ITPR2: variants seen among roughly 807,000 people sequenced by gnomAD.
The protein encoded by ITPR2 is inositol 1,4,5-trisphosphate receptor type 2, also known as inositol 1,4,5-trisphosphate-gated calcium channel ITPR2.
Under a neutral mutation model 317.1 loss-of-function variants are expected in ITPR2, and 207 were observed. That is an observed-to-expected ratio of 0.65 (90% CI 0.58 to 0.73). The LOEUF (loss-of-function observed/expected upper bound fraction) is 0.73. Ranked by LOEUF, ITPR2 falls within the 30% of genes least tolerant of loss-of-function variation. The pLI, the probability that ITPR2 is intolerant of heterozygous loss-of-function variation, is 0.00. For synonymous variants in ITPR2, 1,156 were observed against 1,149.1 expected (o/e 1.01, Z -0.12); for missense variants, 2,613 against 3,284.0 (o/e 0.80, Z 4.99).
intron 21 of ITPR2, among the ~76,000 whole-genome samples, chr12:26,641,237 T>TA (rs201661089): frequency 1.7e-3 from 252 of 144,248 alleles, no homozygotes; most frequent in South Asian, 9.6e-3. Flanking sequence ...ATTCTTTGTT[T>TA]AAAAAAAAAA....
At chr12:26,638,443 C>G (rs576648028) in intron 21 of ITPR2, among the ~76,000 whole-genome samples, 1 of 152,212 alleles carries the variant, frequency 6.6e-6, no homozygotes, top group Non-Finnish European at 1.5e-5. Context: ...AGAAAGCTCT[C>G]TTGTGCCCTT....
At chr12:26,377,902 C>T (rs1481087755) in intron 55 of ITPR2, among the ~76,000 whole-genome samples, 1 of 152,078 alleles carries the variant, frequency 6.6e-6, no homozygotes, top group African/African-American at 2.4e-5. Context: ...ATATTCCCCT[C>T]CATCCTTCTA....
intron 2 of ITPR2, among the ~76,000 whole-genome samples, chr12:26,745,695 A>G (rs987155092): frequency 6.6e-6 from 1 of 152,236 alleles, no homozygotes; most frequent in African/African-American, 2.4e-5. Context: ...AGAGACAGAA[A>G]GGTAGTTATA....
intron 11 of ITPR2, among the ~76,000 whole-genome samples, chr12:26,684,483 A>G (rs1948090921): frequency 6.6e-6 from 1 of 152,228 alleles, no homozygotes; most frequent in African/African-American, 2.4e-5. Context: ...TACTGCCAGT[A>G]TGCAATAAGA....
In ITPR2 at chr12:26,715,329, A is replaced by G; in HGVS notation, c.825T>C (p.Ala275=). 6.2e-7 allele frequency: 1 copy of G among 1,613,700 alleles called. No individual in the cohort carries two copies. Among genetic ancestry groups the G allele is most frequent in the Non-Finnish European group, 8.5e-7 (1 of 1,179,682 alleles). The change falls in exon 8 of 57, where the codon GCT becomes GCC. Residue 275 remains alanine (A), a synonymous_variant. Coordinates refer to ENST00000381340, the MANE Select transcript of ITPR2 (RefSeq NM_002223.4). The stretch of plus-strand genomic sequence containing the variant: ...TTTCCCAGAGTGCTTTAGAACTAGT[A>G]GCAGAAGTAGCTGATTGGCGCAAGG... ...RTTLRQSATS[A]TSSKALWEIE...
At chr12:26,509,375 G>C (rs181432877) in intron 37 of ITPR2, among the ~76,000 whole-genome samples, 32 of 152,186 alleles carry the variant, frequency 2.1e-4, no homozygotes, top group Non-Finnish European at 4.1e-4. Context: ...ACTTTTGTAG[G>C]GTGAATTTTA....
chr12:26,571,750 T>A (rs2137055834), intron 34 of ITPR2, among the ~76,000 whole-genome samples: 1 of 152,352 alleles, frequency 6.6e-6, no homozygotes, highest in African/African-American at 2.4e-5. Flanking sequence ...AGCTAAGAAT[T>A]ATGTCCACAT....
intron 34 of ITPR2, among the ~76,000 whole-genome samples, chr12:26,577,620 G>A (rs1478145172): frequency 6.6e-6 from 1 of 152,080 alleles, no homozygotes; most frequent in Non-Finnish European, 1.5e-5. Flanking sequence ...AATTACTTAA[G>A]TCAACTGTAT....
chr12:26,715,706 C>T (rs372966010), intron 7 of ITPR2, 46 bp downstream of exon 7: 28 of 1,237,566 alleles, frequency 2.3e-5, no homozygotes, highest in Non-Finnish European at 3.1e-5. Flanking sequence ...TTCAGTAAGA[C>T]TACCATCATT....
At chr12:26,661,802 A>G (rs1248933236) in intron 15 of ITPR2, among the ~76,000 whole-genome samples, 2 of 152,202 alleles carry the variant, frequency 1.3e-5, no homozygotes, top group East Asian at 3.9e-4. Context: ...CCAGACCTCC[A>G]CTAAAAACTC....
chr12:26,820,964 A>G (rs750431784), intron 1 of ITPR2, among the ~76,000 whole-genome samples: 25 of 152,296 alleles, frequency 1.6e-4, no homozygotes, highest in Admixed American at 7.2e-4. Context: ...AGAGGTTACC[A>G]GGGGCTGGGG....
intron 51 of ITPR2, among the ~76,000 whole-genome samples, chr12:26,412,076 GAAGTA>G (rs1940568071): frequency 6.6e-6 from 1 of 152,132 alleles, no homozygotes; most frequent in African/African-American, 2.4e-5. Flanking sequence ...TAACACATAT[GAAGTA>G]AAGAGGTTCC....
At chr12:26,435,031 A>C (rs528908000) in intron 48 of ITPR2, among the ~76,000 whole-genome samples, 1 of 151,932 alleles carries the variant, frequency 6.6e-6, no homozygotes, top group Non-Finnish European at 1.5e-5. Context: ...TAACTCATAC[A>C]TCCACTCCAT....
At chr12:26,702,597 C>T (rs1185077850) in intron 9 of ITPR2, among the ~76,000 whole-genome samples, 1 of 151,916 alleles carries the variant, frequency 6.6e-6, no homozygotes, top group East Asian at 1.9e-4. Flanking sequence ...TGCCACCATG[C>T]CCGGTTTATT....
chr12:26,670,653 C>T (rs929398907), intron 13 of ITPR2, among the ~76,000 whole-genome samples: 1 of 152,164 alleles, frequency 6.6e-6, no homozygotes, highest in Non-Finnish European at 1.5e-5. Flanking sequence ...CTCTCCTCCT[C>T]CAAAGGAACG....
intron 2 of ITPR2, among the ~76,000 whole-genome samples, chr12:26,743,783 C>T (rs1173679992): frequency 1.3e-5 from 2 of 152,062 alleles, no homozygotes; most frequent in East Asian, 1.9e-4. Flanking sequence ...CCCAGCTACT[C>T]GGGAGGCTGA....
At chr12:26,655,630 A>G (rs1201308871) in intron 20 of ITPR2, 78 bp downstream of exon 20, 3 of 1,267,678 alleles carry the variant, frequency 2.4e-6, no homozygotes, top group African/African-American at 1.5e-5. Context: ...AAAAAAAAAA[A>G]AAGCAGAGAA....
rs1937972159 is a variant in ITPR2, at chr12:26,337,910, G to A, written c.*1487C>T. The A allele has an allele frequency of 1.3e-5, 2 of 152,128 alleles. No individual in the cohort carries two copies. The highest frequency in any genetic ancestry group is 4.8e-5 in the African/African-American group (2 of 41,432). The allele number at this position is 152,128 out of a possible 1,614,324, so 9.4% of individuals were successfully genotyped here. A position where few individuals can be genotyped will look rare whatever the true frequency, so the allele number is the denominator to read the frequency against. ...TTATATTCTACATAGATCTTGATTT[G>A]GGATTTTTAGGAACCAATAGCTTAA... On this transcript the variant is annotated 3_prime_UTR_variant, in exon 57 of 57. Coordinates refer to ENST00000381340, the MANE Select transcript of ITPR2 (RefSeq NM_002223.4).
intron 32 of ITPR2, among the ~76,000 whole-genome samples, chr12:26,582,454 T>C (rs1945427785): frequency 1.3e-5 from 2 of 152,232 alleles, no homozygotes; most frequent in South Asian, 2.1e-4. Context: ...TTTTATGTAC[T>C]GCCATTATCT....
Sources: gnomAD v4.1 joint callset for allele counts (sites outside exome capture counted in the v4.1 genomes callset) on GRCh38, gnomAD v4.1.1 for gene constraint, MANE v1.5 for transcripts, NCBI Gene and HGNC (gene_info 2026-07-23, HGNC 2026-07-21) for gene names.